PTPN2: variants seen among roughly 807,000 people sequenced by gnomAD.
PTPN2 encodes protein tyrosine phosphatase non-receptor type 2.
Under a neutral mutation model 57.3 loss-of-function variants are expected in PTPN2, and 19 were observed. That is an observed-to-expected ratio of 0.33 (90% CI 0.23 to 0.49). PTPN2 has a LOEUF of 0.49. Ranked by LOEUF, PTPN2 falls within the 20% of genes least tolerant of loss-of-function variation. The pLI is 0.99. For synonymous variants in PTPN2, 153 were observed against 164.9 expected (o/e 0.93, Z 0.55); for missense variants, 358 against 501.1 (o/e 0.71, Z 2.73).
At chr18:12,873,476 G>A (rs968253708) in intron 1 of PTPN2, among the ~76,000 whole-genome samples, 2 of 152,228 alleles carry the variant, frequency 1.3e-5, no homozygotes, top group Non-Finnish European at 2.9e-5. Flanking sequence ...TTTTGGGGGA[G>A]ACGGGGTTTC....
chr18:12,785,553 A>T, exon 10 of PTPN2: 1 of 520,410 alleles, frequency 1.9e-6, no homozygotes. Flanking sequence ...ATACAAAGTA[A>T]TCTCCCCTAA....
intron 3 of PTPN2, among the ~76,000 whole-genome samples, chr18:12,836,030 AT>A (rs767517583): frequency 3.9e-5 from 6 of 152,000 alleles, no homozygotes; most frequent in Non-Finnish European, 8.8e-5. Context: ...CTTATCAAAT[AT>A]TTTTCTCTTT....
At chr18:12,853,277 A>G (rs1039992475) in intron 2 of PTPN2, among the ~76,000 whole-genome samples, 2 of 152,068 alleles carry the variant, frequency 1.3e-5, no homozygotes, top group African/African-American at 2.4e-5. Context: ...AGCCTCCCAA[A>G]TAGCTGGGAC....
intron 7 of PTPN2, among the ~76,000 whole-genome samples, chr18:12,802,454 C>T (rs1405379032): frequency 1.3e-5 from 2 of 152,144 alleles, no homozygotes; most frequent in African/African-American, 4.8e-5. Context: ...ACTGGGACCA[C>T]ACTCAACTAT....
At chr18:12,874,411 G>A (rs1284748474) in intron 1 of PTPN2, among the ~76,000 whole-genome samples, 2 of 149,646 alleles carry the variant, frequency 1.3e-5, no homozygotes, top group African/African-American at 2.5e-5. Flanking sequence ...GGGAGGTGGG[G>A]GGATCAGCCC....
In PTPN2 at chr18:12,794,158, T is replaced by C. The variant is rs959274590; in HGVS notation, c.*120A>G. The C allele has an allele frequency of 1.1e-5, 16 of 1,501,370 alleles. No homozygotes were observed. Among genetic ancestry groups the C allele is most frequent in the East Asian group, 9.2e-5 (4 of 43,290 alleles). The allele number at this position is 1,501,370 out of a possible 1,614,324, so 93.0% of individuals were successfully genotyped here. ...GTGACTGTAAATATCACTTATCTGGTTGATGTCTATTCTACTGCACCGTTT... is the reference window on the plus strand; with the variant it reads ...GTGACTGTAAATATCACTTATCTGGCTGATGTCTATTCTACTGCACCGTTT... On this transcript the variant is annotated 3_prime_UTR_variant, in exon 9 of 9. Coordinates refer to ENST00000309660, the MANE Select transcript of PTPN2 (RefSeq NM_002828.4).
intron 2 of PTPN2, chr18:12,840,950 C>CTGT: frequency 6.8e-7 from 1 of 1,478,700 alleles, no homozygotes; most frequent in Non-Finnish European, 9.0e-7. Context: ...TGGTCTGTTC[C>CTGT]CTGCATTGAA....
intron 1 of PTPN2, among the ~76,000 whole-genome samples, chr18:12,877,247 C>G (rs1042491525): frequency 6.6e-6 from 1 of 152,170 alleles, no homozygotes; most frequent in Non-Finnish European, 1.5e-5. Flanking sequence ...AAAGACCACC[C>G]TCAAGGAGCT....
At chr18:12,826,772 T>C (rs1304158645) in intron 4 of PTPN2, among the ~76,000 whole-genome samples, 1 of 152,042 alleles carries the variant, frequency 6.6e-6, no homozygotes, top group Non-Finnish European at 1.5e-5. Flanking sequence ...TTTTGCCATG[T>C]TGGCCAGGCT....
At chr18:12,880,201 G>C (rs185236710) in intron 1 of PTPN2, among the ~76,000 whole-genome samples, 274 of 152,280 alleles carry the variant, frequency 1.8e-3, no homozygotes, top group African/African-American at 5.7e-3. Flanking sequence ...CCAAGGCAAA[G>C]AGAACAACAT....
intron 1 of PTPN2, among the ~76,000 whole-genome samples, chr18:12,861,274 A>G (rs1284033480): frequency 1.3e-5 from 2 of 152,254 alleles, no homozygotes; most frequent in Non-Finnish European, 2.9e-5. Context: ...TGCACGTGGA[A>G]GAGAAATTTA....
chr18:12,820,586 C>T (rs180943714), intron 5 of PTPN2, among the ~76,000 whole-genome samples: 30 of 152,282 alleles, frequency 2.0e-4, no homozygotes, highest in Non-Finnish European at 2.4e-4. Flanking sequence ...TGGCAAACTC[C>T]TTATTTTCAA....
At chr18:12,803,794 CCCACTT>C (rs2041517882) in intron 7 of PTPN2, among the ~76,000 whole-genome samples, 1 of 152,080 alleles carries the variant, frequency 6.6e-6, no homozygotes, top group South Asian at 2.1e-4. Context: ...AACGCTACAT[CCCACTT>C]TCAGCAATGG....
At chr18:12,815,161 C>T (rs1236461588) in intron 6 of PTPN2, among the ~76,000 whole-genome samples, 2 of 151,382 alleles carry the variant, frequency 1.3e-5, no homozygotes, top group Non-Finnish European at 2.9e-5. Flanking sequence ...CACCTGTAAT[C>T]CCAGCACTTT....
chr18:12,852,234 T>TCACACACACACA (rs1326088189), intron 2 of PTPN2, among the ~76,000 whole-genome samples: 1 of 68,722 alleles, frequency 1.5e-5, no homozygotes, highest in South Asian at 3.5e-4. Flanking sequence ...ACACACAGAT[T>TCACACACACACA]GTTTCATGGC....
At chr18:12,806,374 C>T (rs2041650839) in intron 7 of PTPN2, among the ~76,000 whole-genome samples, 1 of 152,182 alleles carries the variant, frequency 6.6e-6, no homozygotes, top group East Asian at 1.9e-4. Context: ...AATGTCCATA[C>T]TACATAAAGT....
chr18:12,870,149 A>G (rs1024684377), intron 1 of PTPN2, among the ~76,000 whole-genome samples: 2 of 149,606 alleles, frequency 1.3e-5, no homozygotes, highest in Non-Finnish European at 3.0e-5. Context: ...ATGTGCTTTT[A>G]TGTGTGTTAT....
At chr18:12,830,370 T>C (rs953163231) in intron 4 of PTPN2, among the ~76,000 whole-genome samples, 1 of 152,148 alleles carries the variant, frequency 6.6e-6, no homozygotes, top group Non-Finnish European at 1.5e-5. Context: ...TGACCTCAAG[T>C]GATCTGCCTG....
In PTPN2 at chr18:12,792,364, C is replaced by A. The variant is rs1196411830; in HGVS notation, c.*1914G>T. ...GTGGTGCAATCTCGGCTCACTGCAA[C>A]CTCTGCCTCCCGGGTTCAAGTGATT... On this transcript the variant is annotated 3_prime_UTR_variant, in exon 9 of 9. Coordinates refer to ENST00000309660, the MANE Select transcript of PTPN2 (RefSeq NM_002828.4). 7.4e-6 allele frequency: 3 copies of A among 406,950 alleles called. No individual in the cohort carries two copies. Among genetic ancestry groups the A allele is most frequent in the Non-Finnish European group, 9.9e-6 (3 of 303,044 alleles). The allele number at this position is 406,950 out of a possible 1,614,324, so 25.2% of individuals were successfully genotyped here.
Sources: gnomAD v4.1 joint callset for allele counts (sites outside exome capture counted in the v4.1 genomes callset) on GRCh38, gnomAD v4.1.1 for gene constraint, MANE v1.5 for transcripts, NCBI Gene and HGNC (gene_info 2026-07-23, HGNC 2026-07-21) for gene names.